The following IFT43 variants were observed in gnomAD, a reference collection of about 807,000 sequenced individuals.
IFT43 encodes the protein intraflagellar transport protein 43 homolog.
Under a neutral mutation model 32.3 loss-of-function variants are expected in IFT43, and 33 were observed. The observed-to-expected ratio is 1.02, with a 90% CI of 0.77 to 1.37. The LOEUF is 1.37. IFT43 is among the 40% of genes most tolerant of loss of function. The probability of loss-of-function intolerance (pLI) is 0.00; values close to 1 mark genes in which losing one functional copy is unlikely to be tolerated. For missense variants in IFT43, 274 were observed against 265.9 expected, an observed-to-expected ratio of 1.03 and a Z score of -0.21; for synonymous variants, 93 against 98.2, an observed-to-expected ratio of 0.95 and a Z score of 0.31.
intron 5 of IFT43, chr14:76,076,444 C>G: frequency 1.8e-6 from 1 of 550,932 alleles, no homozygotes; most frequent in Non-Finnish European, 2.3e-6. Context: ...TGAGGCATCT[C>G]TGCCTGGGTG....
At chr14:76,061,710 T>C (rs2037138364) in intron 5 of IFT43, among the ~76,000 whole-genome samples, 1 of 152,226 alleles carries the variant, frequency 6.6e-6, no homozygotes, top group African/African-American at 2.4e-5. Flanking sequence ...TATGTTTTCT[T>C]TCATCCTTGA....
intron 3 of IFT43, among the ~76,000 whole-genome samples, chr14:76,048,993 A>G (rs1172762890): frequency 6.6e-6 from 1 of 152,196 alleles, no homozygotes; most frequent in Non-Finnish European, 1.5e-5. Flanking sequence ...AAAAGAACAG[A>G]AGCAGAGAAG....
At chr14:76,025,242 AG>A (rs1375251309) in intron 3 of IFT43, among the ~76,000 whole-genome samples, 8 of 152,286 alleles carry the variant, frequency 5.3e-5, no homozygotes, top group African/African-American at 1.7e-4. Context: ...GATCTCTATG[AG>A]GAGAACTACA....
intron 5 of IFT43, among the ~76,000 whole-genome samples, chr14:76,068,352 G>C (rs1390975773): frequency 1.3e-5 from 2 of 152,166 alleles, no homozygotes; most frequent in African/African-American, 4.8e-5. Flanking sequence ...AGCAGAGATA[G>C]GTCTTGATTC....
rs375775310 is a variant in IFT43 at position 76,004,724 on chromosome 14, T to G, written c.147+15747T>G. On this transcript the variant is annotated intron_variant, in intron 2 of 8. Coordinates refer to ENST00000314067, the MANE Select transcript of IFT43 (RefSeq NM_001102564.3). The stretch of plus-strand genomic sequence containing the variant: ...CTATGTTTTTTGTTCTGAAGCCTTA[T>G]TAATTTTTTTTCCTATCTTTTGTCC... Among the ~76,000 whole-genome samples, 254 of 152,322 alleles carry G rather than the reference T, an allele frequency of 1.7e-3. 2 individuals are homozygous for G. The highest frequency in any genetic ancestry group is 5.9e-3 in the African/African-American group (246 of 41,578).
chr14:76,074,423 C>T (rs935585474), intron 5 of IFT43, among the ~76,000 whole-genome samples: 2 of 152,182 alleles, frequency 1.3e-5, no homozygotes, highest in African/African-American at 4.8e-5. Flanking sequence ...TCTTCGTTTC[C>T]TTCAATTGAC....
intron 5 of IFT43, chr14:76,076,609 A>C: frequency 6.2e-7 from 1 of 1,614,158 alleles, no homozygotes. Context: ...GTACCCAAAC[A>C]GGCAAACAAC....
chr14:76,036,797 C>A (rs1370845966), intron 3 of IFT43, among the ~76,000 whole-genome samples: 1 of 151,382 alleles, frequency 6.6e-6, no homozygotes, highest in Non-Finnish European at 1.5e-5. Context: ...CTTCCTCCCT[C>A]CCTTCCTTCC....
At chr14:75,996,280 A>G (rs545363456) in intron 2 of IFT43, among the ~76,000 whole-genome samples, 1 of 152,230 alleles carries the variant, frequency 6.6e-6, no homozygotes, top group Non-Finnish European at 1.5e-5. Context: ...CAGCTCTGCC[A>G]GTTGCTAGGT....
intron 2 of IFT43, among the ~76,000 whole-genome samples, chr14:75,992,324 A>G (rs1020371409): frequency 6.6e-6 from 1 of 152,216 alleles, no homozygotes; most frequent in South Asian, 2.1e-4. Flanking sequence ...TGAGATACGC[A>G]TTGAGACGCT....
chr14:76,041,752 T>G (rs4990061), intron 3 of IFT43, among the ~76,000 whole-genome samples: 4 of 85,902 alleles, frequency 4.7e-5, no homozygotes, highest in East Asian at 5.0e-4. Flanking sequence ...AAGTCTGTGT[T>G]TTTTTTTTAT....
chr14:76,048,972 T>C (rs891428033), intron 3 of IFT43, among the ~76,000 whole-genome samples: 10 of 152,106 alleles, frequency 6.6e-5, no homozygotes, highest in African/African-American at 2.2e-4. Flanking sequence ...TTCGGGGAAA[T>C]CACAGAATGT....
intron 2 of IFT43, among the ~76,000 whole-genome samples, chr14:75,993,143 G>A (rs547807887): frequency 6.6e-6 from 1 of 152,274 alleles, no homozygotes; most frequent in Admixed American, 6.5e-5. Flanking sequence ...CTAGAACTTG[G>A]GCATTCTTTT....
intron 3 of IFT43, among the ~76,000 whole-genome samples, chr14:76,028,212 C>T (rs1164748000): frequency 3.3e-5 from 5 of 151,980 alleles, no homozygotes; most frequent in Admixed American, 2.6e-4. Flanking sequence ...TTCTTTTTTT[C>T]CTTTATAAAT....
At chr14:75,998,410 A>G (rs1310254002) in intron 2 of IFT43, among the ~76,000 whole-genome samples, 1 of 152,132 alleles carries the variant, frequency 6.6e-6, no homozygotes, top group Non-Finnish European at 1.5e-5. Context: ...GAAGCCCAAC[A>G]CTCTAAGAGA....
At chr14:75,998,827 G>A (rs141503472) in intron 2 of IFT43, among the ~76,000 whole-genome samples, 2,695 of 152,292 alleles carry the variant, frequency 0.018, 41 homozygotes, top group Middle Eastern at 0.065. Context: ...ATGTACTCTG[G>A]GGCTCAAGCA....
intron 2 of IFT43, among the ~76,000 whole-genome samples, chr14:76,001,364 AT>A (rs1239152666): frequency 1.3e-5 from 2 of 152,196 alleles, no homozygotes; most frequent in African/African-American, 2.4e-5. Context: ...TTGTTAGGCA[AT>A]TTACCAGAAA....
intron 2 of IFT43, among the ~76,000 whole-genome samples, chr14:76,009,879 C>A (rs2036048587): frequency 6.6e-6 from 1 of 152,042 alleles, no homozygotes; most frequent in Non-Finnish European, 1.5e-5. Context: ...ACTGCAACCT[C>A]CGCCTCCTGG....
At chr14:76,076,573 C>A (rs1402977639) in intron 5 of IFT43, 3 of 1,613,814 alleles carry the variant, frequency 1.9e-6, no homozygotes, top group Non-Finnish European at 1.7e-6. Flanking sequence ...TGAGTCCAAT[C>A]TAAGAAGTCA....
Sources: allele counts gnomAD v4.1 joint callset (sites outside exome capture counted in the v4.1 genomes callset), GRCh38; gene constraint gnomAD v4.1.1; transcripts MANE v1.5; gene names NCBI Gene and HGNC (gene_info 2026-07-23, HGNC 2026-07-21).